The following FSTL5 variants were observed in gnomAD, a reference collection of about 807,000 sequenced individuals.
FSTL5 encodes follistatin-related protein 5.
Under a neutral mutation model 89.1 loss-of-function variants are expected in FSTL5, and 62 were observed. The ratio of observed to expected loss-of-function variants is 0.70; its 90% CI spans 0.57 to 0.86. The LOEUF (loss-of-function observed/expected upper bound fraction) is 0.86. Among genes scored for constraint, FSTL5 ranks in the 40% least tolerant of loss-of-function variants. The probability of loss-of-function intolerance (pLI) is 0.00; values close to 1 mark genes in which losing one functional copy is unlikely to be tolerated. For missense variants in FSTL5, 1,057 were observed against 1,001.6 expected (o/e 1.06, Z -0.75); for synonymous variants, 383 against 346.2 (o/e 1.11, Z -1.18).
At chr4:161,557,847 C>T (rs1225083931) in intron 8 of FSTL5, among the ~76,000 whole-genome samples, 4 of 151,434 alleles carry the variant, frequency 2.6e-5, no homozygotes, top group African/African-American at 4.8e-5. Flanking sequence ...GAGAATAAGC[C>T]CATATTTGAG....
chr4:161,510,415 A>T lies in FSTL5; in HGVS notation c.1322T>A (p.Ile441Lys). The change falls in exon 11 of 16, where the codon ATA (isoleucine) becomes AAA (lysine). Residue 441 changes from isoleucine (I) to lysine (K), a missense_variant. Around this residue, in one of 3 missense-constraint regions of FSTL5, gnomAD observed 980 missense variants for 903.2 expected, o/e 1.08. Transcript: ENST00000306100. ...CTTAGTACCTTCTTCTCTCCATAAT[A>T]TGTTAGCTACTGCAGCATGTTGAAA... ...EDSARKTLAN[I>K]LWREEGLGIG... 6.5e-7 allele frequency: 1 copy of T among 1,539,138 alleles called. No homozygotes were observed. The highest frequency in any genetic ancestry group is 8.7e-7 in the Non-Finnish European group (1 of 1,143,284).
chr4:162,163,522 T>C (rs1395353858), intron 1 of FSTL5, 93 bp downstream of exon 1: 1 of 150,040 alleles, frequency 6.7e-6, no homozygotes, highest in Non-Finnish European at 1.5e-5. Flanking sequence ...TTTCAAATTA[T>C]AAAAATAAGC....
chr4:162,048,197 C>T (rs1738259780), intron 2 of FSTL5, among the ~76,000 whole-genome samples: 4 of 150,690 alleles, frequency 2.7e-5, no homozygotes, highest in African/African-American at 4.9e-5. Context: ...TGTGGTGGCA[C>T]GTGCTTGTAT....
intron 4 of FSTL5, among the ~76,000 whole-genome samples, chr4:161,831,618 T>A (rs1219966755): frequency 6.6e-6 from 1 of 151,948 alleles, no homozygotes; most frequent in Non-Finnish European, 1.5e-5. Context: ...TTAAATAAAT[T>A]TCAATTTCTT....
At chr4:161,856,691 T>C (rs1731733469) in intron 4 of FSTL5, among the ~76,000 whole-genome samples, 1 of 151,446 alleles carries the variant, frequency 6.6e-6, no homozygotes, top group Non-Finnish European at 1.5e-5. Context: ...TATGTATATA[T>C]GTATACGTGT....
At chr4:161,645,758 A>G (rs931953285) in intron 7 of FSTL5, among the ~76,000 whole-genome samples, 3 of 152,086 alleles carry the variant, frequency 2.0e-5, no homozygotes, top group Non-Finnish European at 4.4e-5. Context: ...TCCCTGCTTT[A>G]TTTGGCTTAG....
At chr4:161,992,117 C>T (rs1736129108) in intron 3 of FSTL5, among the ~76,000 whole-genome samples, 1 of 152,180 alleles carries the variant, frequency 6.6e-6, no homozygotes, top group Non-Finnish European at 1.5e-5. Context: ...GGAACATATC[C>T]TGCAGAATCT....
At chr4:161,530,155 G>T (rs1229321521) in intron 10 of FSTL5, among the ~76,000 whole-genome samples, 1 of 142,428 alleles carries the variant, frequency 7.0e-6, no homozygotes, top group Non-Finnish European at 1.5e-5. Flanking sequence ...TATTTCTAAA[G>T]TTTATGATAG....
intron 6 of FSTL5, among the ~76,000 whole-genome samples, chr4:161,725,926 C>A (rs1270178277): frequency 6.6e-6 from 1 of 152,124 alleles, no homozygotes; most frequent in Non-Finnish European, 1.5e-5. Context: ...AAGGTTTTTG[C>A]CACTACTTTT....
intron 3 of FSTL5, among the ~76,000 whole-genome samples, chr4:161,979,374 A>G (rs115685231): frequency 1.8e-4 from 28 of 152,286 alleles, no homozygotes; most frequent in East Asian, 1.3e-3. Context: ...ATGCCACTAC[A>G]TAAGAGTGTA....
chr4:162,061,383 T>G (rs537233473), intron 2 of FSTL5, among the ~76,000 whole-genome samples: 1 of 152,306 alleles, frequency 6.6e-6, no homozygotes, highest in East Asian at 1.9e-4. Context: ...ACAAGTGGCA[T>G]GTGCAATGAC....
At chr4:162,101,592 T>TA (rs1283437524) in intron 2 of FSTL5, among the ~76,000 whole-genome samples, 1 of 152,128 alleles carries the variant, frequency 6.6e-6, no homozygotes, top group Non-Finnish European at 1.5e-5. Context: ...TGTATTAGAT[T>TA]AAAAAAATAG....
chr4:161,554,892 A>G (rs1045749300), intron 8 of FSTL5, among the ~76,000 whole-genome samples: 1 of 151,670 alleles, frequency 6.6e-6, no homozygotes, highest in Non-Finnish European at 1.5e-5. Flanking sequence ...GACTCGGTTT[A>G]ATAAATATTT....
chr4:161,900,563 C>T lies in FSTL5; in HGVS notation c.409+19841G>A, dbSNP rs934940189. Among the ~76,000 whole-genome samples, 13 of 136,162 alleles carry T rather than the reference C, an allele frequency of 9.5e-5. 1 individual carries two copies. Among genetic ancestry groups the T allele is most frequent in the East Asian group, 7.2e-4 (3 of 4,170 alleles). The allele number at this position is 136,162 out of a possible 152,430, so 89.3% of individuals were successfully genotyped here. On this transcript the variant is annotated intron_variant, in intron 4 of 15. Coordinates refer to ENST00000306100, the MANE Select transcript of FSTL5 (RefSeq NM_020116.5). Reference sequence around the variant, plus strand: ...CTGAGGCAGGAGAATCGCTTGAACCCGGGAGGCGGAGGTTGCAGTAAGTCC... The same window carrying T: ...CTGAGGCAGGAGAATCGCTTGAACCTGGGAGGCGGAGGTTGCAGTAAGTCC...
In FSTL5 at chr4:162,116,389, G is replaced by A. The variant is rs139358863; in HGVS notation, c.-16-4977C>T. On this transcript the variant is annotated intron_variant, in intron 1 of 15. Transcript: ENST00000306100. ...GTAACACACTTCGCATGTACCGTTA[G>A]CATATAAAATCTCCACGTAGGTGTG... Among the ~76,000 whole-genome samples, 438 of 152,332 alleles carry A rather than the reference G, an allele frequency of 2.9e-3. 9 individuals are homozygous for A. The highest frequency in any genetic ancestry group is 6.6e-3 in the East Asian group (34 of 5,182).
chr4:161,406,749 T>A (rs1003055183), intron 15 of FSTL5, among the ~76,000 whole-genome samples: 5 of 152,222 alleles, frequency 3.3e-5, no homozygotes, highest in Non-Finnish European at 5.9e-5. Context: ...CTATACCATC[T>A]CTTTTGTGGT....
intron 7 of FSTL5, among the ~76,000 whole-genome samples, chr4:161,648,699 G>A (rs1736234324): frequency 6.6e-6 from 1 of 151,880 alleles, no homozygotes; most frequent in Non-Finnish European, 1.5e-5. Context: ...GCAAAACTCT[G>A]AATACAAAAT....
chr4:161,496,208 C>T (rs1210487383), intron 12 of FSTL5, among the ~76,000 whole-genome samples: 1 of 152,072 alleles, frequency 6.6e-6, no homozygotes, highest in Non-Finnish European at 1.5e-5. Flanking sequence ...GTTTCTTGGC[C>T]TGTCATATGT....
intron 6 of FSTL5, among the ~76,000 whole-genome samples, chr4:161,687,801 A>G (rs1057115900): frequency 6.6e-6 from 1 of 152,220 alleles, no homozygotes; most frequent in Non-Finnish European, 1.5e-5. Context: ...TGTTATGGTT[A>G]GAATGTGTTC....
Sources: allele counts gnomAD v4.1 joint callset (sites outside exome capture counted in the v4.1 genomes callset), GRCh38; gene constraint gnomAD v4.1.1; regional missense constraint gnomAD v4.1.1; transcripts MANE v1.5; gene names NCBI Gene and HGNC (gene_info 2026-07-23, HGNC 2026-07-21).